Variants in PLCH2 observed in about 807,000 individuals in gnomAD.
The protein encoded by PLCH2 is 1-phosphatidylinositol 4,5-bisphosphate phosphodiesterase eta-2.
Under a neutral mutation model 134.7 loss-of-function variants are expected in PLCH2, and 98 were observed. That is an observed-to-expected ratio of 0.73 (90% CI 0.62 to 0.86). The LOEUF is 0.86. PLCH2 is among the 40% of genes least tolerant of loss of function. PLCH2 has a pLI of 0.00. For missense variants in PLCH2, 1,994 were observed against 1,986.6 expected (o/e 1.00, Z -0.07); for synonymous variants, 974 against 827.5 (o/e 1.18, Z -3.04).
At chr1:2,419,667 G>A in the PLCH2 span, among the ~76,000 whole-genome samples, 2 of 152,180 alleles carry the variant, frequency 1.3e-5, no homozygotes, top group Admixed American at 6.5e-5. Context: ...AGGGATCCCC[G>A]TGCCTGACCC....
At position 2,496,899 on chromosome 1, in the gene PLCH2, C is replaced by G; in HGVS notation, c.2005C>G (p.Gln669Glu). Reference protein sequence around the residue: ...AHQILQQKPAQYLRFNQQQLS... With the variant: ...AHQILQQKPAEYLRFNQQQLS... The stretch of plus-strand genomic sequence containing the variant: ...CCAGATTCTGCAGCAGAAGCCGGCG[C>G]AGTACCTACGCTTCAACCAGCAGCA... Residue 669 changes from glutamine to glutamate, a missense_variant, in exon 15 of 22, where the codon CAG (glutamine) becomes GAG (glutamate). By Grantham distance (29) the Gln-to-Glu change is conservative. This residue lies in a region of PLCH2 where 1,094 missense variants were observed against 1,234.3 expected (regional missense o/e 0.89). Coordinates refer to ENST00000378486, the MANE Select transcript of PLCH2 (RefSeq NM_014638.4). The G allele has an allele frequency of 6.2e-7, 1 of 1,613,086 alleles. No homozygotes were observed. Among genetic ancestry groups the G allele is most frequent in the Non-Finnish European group, 8.5e-7 (1 of 1,179,850 alleles).
At chr1:2,416,475 C>T in the PLCH2 span, among the ~76,000 whole-genome samples, 2 of 152,236 alleles carry the variant, frequency 1.3e-5, no homozygotes, top group African/African-American at 2.4e-5. Context: ...GTCTGCCTGG[C>T]TGGAGGCCCT....
At chr1:2,499,969 T>G in intron 20 of PLCH2, 1 of 586,796 alleles carries the variant, frequency 1.7e-6, no homozygotes, top group Non-Finnish European at 3.1e-6. Flanking sequence ...TCCTGAGTGC[T>G]CCGGGCCTTG....
chr1:2,441,749 GA>G (rs1474723623), intron 2 of PLCH2, among the ~76,000 whole-genome samples: 3 of 152,186 alleles, frequency 2.0e-5, no homozygotes, highest in African/African-American at 7.2e-5. Context: ...AGGGAGCCAG[GA>G]ACTAGCCTTT....
Position 2,495,580 on chromosome 1 carries a change from C to A in PLCH2, c.1835+10C>A, listed in dbSNP as rs750630843. On this transcript the variant is annotated intron_variant, in intron 13 of 21. Transcript: ENST00000378486. ...GAGGCCAGAGCCGAGGGTAGGTGCC[C>A]TGCCCCACGGGGAGGCCCCGCACAC... 1.0e-5 allele frequency: 16 copies of A among 1,538,538 alleles called. 1 individual carries two copies. In the South Asian group the frequency reaches 1.9e-4, roughly 19 times the overall value.
At chr1:2,450,998 T>C (rs892856800) in intron 2 of PLCH2, among the ~76,000 whole-genome samples, 8 of 151,734 alleles carry the variant, frequency 5.3e-5, no homozygotes, top group African/African-American at 1.2e-4. Flanking sequence ...CCCCCGCCTG[T>C]GCTAGGGATG....
intron 20 of PLCH2, chr1:2,501,412 G>A (rs531283443): frequency 2.0e-5 from 3 of 152,444 alleles, no homozygotes; most frequent in African/African-American, 7.2e-5. Flanking sequence ...AGGTGCTGGT[G>A]GGCTGGGAGT....
chr1:2,499,265 GCCGAGGGCC>G, intron 19 of PLCH2, 35 bp downstream of exon 19: 1 of 1,609,376 alleles, frequency 6.2e-7, no homozygotes, highest in Non-Finnish European at 8.5e-7. Flanking sequence ...CCCCACACTG[GCCGAGGGCC>G]CCAGGGCAGG....
Position 2,459,401 on chromosome 1 carries a change from T to TCCTTCCTGGTGGTC in PLCH2, c.116-19074_116-19073insCTTCCTGGTGGTCC, listed in dbSNP as rs1557969353. Among the ~76,000 whole-genome samples, 6 of 53,968 alleles carry TCCTTCCTGGTGGTC rather than the reference T, an allele frequency of 1.1e-4. 1 individual carries two copies. The highest frequency in any genetic ancestry group is 1.8e-4 in the Admixed American group (1 of 5,442). The allele number at this position is 53,968 out of a possible 152,430, so 35.4% of individuals were successfully genotyped here. On this transcript the variant is annotated intron_variant, in intron 2 of 3. Transcript: ENST00000609981. ...GCCGGTGGTCCTCCTTCCTGGTGGT[T>TCCTTCCTGGTGGTC]CTCCTTCCTGGTGGTCCTCCTTGCC...
upstream of PLCH2, among the ~76,000 whole-genome samples, chr1:2,474,000 CCT>C (rs1312913029): frequency 6.6e-6 from 1 of 152,202 alleles, no homozygotes; most frequent in African/African-American, 2.4e-5. Flanking sequence ...GGGCTGGGCC[CCT>C]GTGTGGAACC....
intron 2 of PLCH2, among the ~76,000 whole-genome samples, chr1:2,442,843 G>T (rs770936002): frequency 6.6e-5 from 10 of 152,152 alleles, no homozygotes; most frequent in Non-Finnish European, 1.2e-4. Context: ...CAGACCTGGG[G>T]GAGCTGAGGC....
chr1:2,480,689 ACCAGCCCTGGCAGGGC>A (rs1484961147), intron 4 of PLCH2, among the ~76,000 whole-genome samples: 1 of 152,208 alleles, frequency 6.6e-6, no homozygotes, highest in Admixed American at 6.5e-5. Flanking sequence ...AGGGGGGTAC[ACCAGCCCTGGCAGGGC>A]CCAGTCTGAT....
chr1:2,473,640 G>A (rs1641454104), upstream of PLCH2, among the ~76,000 whole-genome samples: 1 of 152,230 alleles, frequency 6.6e-6, no homozygotes, highest in South Asian at 2.1e-4. Context: ...TGTCCAGCCA[G>A]CGCCTGCTAC....
rs1220634485 is a variant in PLCH2 at position 2,498,752 on chromosome 1, C to T, written c.2358C>T (p.Asp786=). The change falls in exon 18 of 22, where the codon GAC becomes GAT. Residue 786 remains aspartate (D), a synonymous_variant. Transcript: ENST00000378486. The surrounding 1 kb of genome is among the most constrained non-coding windows in gnomAD (Gnocchi z 5.4). ...CCACTCCTGTGTCCCAGATCATCGA[C>T]CCCTTTGTGGAGGTGGAGATCATTG... ...SMLGDRGEII[D]PFVEVEIIGL... 7 of 1,610,080 alleles carry T rather than the reference C, an allele frequency of 4.3e-6. No individual in the cohort carries two copies. The South Asian group carries it at 6.6e-5, about 15-fold the overall frequency.
chr1:2,505,407 G>A lies in PLCH2; in HGVS notation c.*194G>A, dbSNP rs1643489163. ...AAAGCTGCTGGCCCGGGGCCCACAGGAGGGGCTTCGAGGCTGGCCCTGCCA... is the reference window on the plus strand; with the variant it reads ...AAAGCTGCTGGCCCGGGGCCCACAGAAGGGGCTTCGAGGCTGGCCCTGCCA... On this transcript the variant is annotated 3_prime_UTR_variant, in exon 22 of 22. Coordinates refer to ENST00000378486, the MANE Select transcript of PLCH2 (RefSeq NM_014638.4). 8.8e-6 allele frequency: 5 copies of A among 569,772 alleles called. No homozygotes were observed. The African/African-American group carries it at 9.8e-5, about 11-fold the overall frequency. The allele number at this position is 569,772 out of a possible 1,614,324, so 35.3% of individuals were successfully genotyped here.
intron 2 of PLCH2, among the ~76,000 whole-genome samples, chr1:2,460,264 A>G (rs1640749542): frequency 1.3e-5 from 2 of 152,220 alleles, no homozygotes; most frequent in Admixed American, 6.5e-5. Flanking sequence ...GGTTCCCCCA[A>G]GAGCTAGGAC....
In PLCH2 at chr1:2,476,657, C is replaced by T. The variant is rs775427357; in HGVS notation, c.69C>T (p.Leu23=). The T allele has an allele frequency of 6.2e-7, 1 of 1,609,742 alleles. No individual in the cohort carries two copies. The highest frequency in any genetic ancestry group is 8.5e-7 in the Non-Finnish European group (1 of 1,178,804). ...KGTVAWLAEV[L]LWVGGSVVLS... is the part of the protein sequence containing the mutation. ...CGGTGGCCTGGCTGGCGGAGGTACT[C>T]CTCTGGGTTGGAGGGAGTGTGGTGC... Residue 23 remains leucine, a synonymous_variant, in exon 1 of 22, where the codon CTC becomes CTT. Coordinates refer to ENST00000378486, the MANE Select transcript of PLCH2 (RefSeq NM_014638.4).
rs188120966 is a variant in PLCH2, at chr1:2,481,135, C to T, written c.645+823C>T. 5.3e-5 allele frequency among the ~76,000 whole-genome samples: 8 copies of T among 152,262 alleles called. No individual in the cohort carries two copies. In the East Asian group the frequency reaches 7.7e-4, roughly 15 times the overall value. On this transcript the variant is annotated intron_variant, in intron 4 of 21. Transcript: ENST00000378486. ...ACACATGCTCACAGCCTGACAGCTCCGCCGTGTCCAGCCCCTGCCAGCTCC... is the reference window on the plus strand; with the variant it reads ...ACACATGCTCACAGCCTGACAGCTCTGCCGTGTCCAGCCCCTGCCAGCTCC...
intron 2 of PLCH2, among the ~76,000 whole-genome samples, chr1:2,445,355 G>A (rs974731159): frequency 6.6e-6 from 1 of 152,174 alleles, no homozygotes; most frequent in Non-Finnish European, 1.5e-5. Flanking sequence ...TGCTTGGCAT[G>A]TCCCCAGGGA....
Sources: gnomAD v4.1 joint callset for allele counts (sites outside exome capture counted in the v4.1 genomes callset) on GRCh38, gnomAD v4.1.1 for gene constraint, gnomAD v4.1.1 regional missense constraint, Gnocchi (gnomAD v3.1) non-coding constraint, MANE v1.5 for transcripts, NCBI Gene and HGNC (gene_info 2026-07-23, HGNC 2026-07-21) for gene names.